Variants in DUSP10 observed in about 807,000 individuals in gnomAD.
The protein encoded by DUSP10 is dual specificity protein phosphatase 10.
DUSP10 carries 14 observed loss-of-function variants against 30.8 expected under a neutral mutation model. The observed-to-expected ratio is 0.46, with a 90% CI of 0.30 to 0.71. The LOEUF (loss-of-function observed/expected upper bound fraction) is 0.71, where lower values mean the gene tolerates loss of function less well. Among genes scored for constraint, DUSP10 ranks in the 30% least tolerant of loss-of-function variants. The pLI, the probability that DUSP10 is intolerant of heterozygous loss-of-function variation, is 0.08. For synonymous variants in DUSP10, 254 were observed against 250.4 expected (o/e 1.01, Z -0.14); for missense variants, 550 against 619.4 (o/e 0.89, Z 1.19).
At chr1:221,739,957 A>T (rs1312690667) in intron 1 of DUSP10, among the ~76,000 whole-genome samples, 170 bp from the exon 2 acceptor site, 2 of 152,218 alleles carry the variant, frequency 1.3e-5, no homozygotes, top group Non-Finnish European at 2.9e-5. Flanking sequence ...TTCAAAGAGG[A>T]TGCAAACCTG....
At chr1:221,722,490 G>A (rs1305138250) in intron 2 of DUSP10, among the ~76,000 whole-genome samples, 1 of 152,230 alleles carries the variant, frequency 6.6e-6, no homozygotes, top group African/African-American at 2.4e-5. Context: ...CAGGCCTGGT[G>A]TGGTGGCAGA....
intron 2 of DUSP10, among the ~76,000 whole-genome samples, chr1:221,717,519 CA>C (rs1209337098): frequency 4.6e-5 from 7 of 152,000 alleles, no homozygotes; most frequent in Non-Finnish European, 8.8e-5. Flanking sequence ...ACATACACTC[CA>C]AATCCTGGGC....
chr1:221,737,046 G>T, intron 2 of DUSP10: 1 of 985,474 alleles, frequency 1.0e-6, no homozygotes, highest in South Asian at 4.7e-5. Context: ...AGGAAAGGGA[G>T]AGAGGATCCT....
At chr1:221,728,464 T>A (rs1661488183) in intron 2 of DUSP10, among the ~76,000 whole-genome samples, 2 of 152,086 alleles carry the variant, frequency 1.3e-5, no homozygotes, top group African/African-American at 4.8e-5. Flanking sequence ...TTGCCACACC[T>A]CCAGATTACC....
chr1:221,709,545 G>A (rs974293246), intron 2 of DUSP10, among the ~76,000 whole-genome samples: 1 of 152,144 alleles, frequency 6.6e-6, no homozygotes, highest in Admixed American at 6.5e-5. Context: ...TGAGGGGTCT[G>A]AAGAAATAGT....
chr1:221,737,602 C>T, intron 2 of DUSP10: 1 of 434,540 alleles, frequency 2.3e-6, no homozygotes, highest in Non-Finnish European at 3.1e-6. Context: ...TTCATGTTCT[C>T]CTTCCCAGCA....
At chr1:221,715,163 A>T (rs1405647841) in intron 2 of DUSP10, among the ~76,000 whole-genome samples, 2 of 152,208 alleles carry the variant, frequency 1.3e-5, no homozygotes, top group Non-Finnish European at 2.9e-5. Context: ...CAATAGGAAG[A>T]ATTTTAAAAA....
intron 2 of DUSP10, chr1:221,736,842 C>G (rs1571833603): frequency 9.1e-6 from 9 of 985,304 alleles, no homozygotes; most frequent in Non-Finnish European, 9.6e-6. Flanking sequence ...AATAATCTAA[C>G]CTCTACCACC....
rs115082227 is a variant in DUSP10 at position 221,706,227 on chromosome 1, C to T, written c.1051G>A (p.Val351Ile). ...GGAAGATGAGTGGTGACGTTGATGA[C>T]GTAGCCGATGTTCAGCCGCTGCATG... The part of the protein sequence containing the change: ...DTMQRLNIGY[V>I]INVTTHLPLY... Residue 351 changes from valine to isoleucine, a missense_variant, in exon 3 of 4, where the codon GTC becomes ATC. By Grantham distance (29) the Val-to-Ile change is conservative. Transcript: ENST00000366899. The surrounding 1 kb of genome is among the most constrained non-coding windows in gnomAD (Gnocchi z 4.6). 7,358 of 1,614,118 alleles carry T rather than the reference C, an allele frequency of 4.6e-3. 45 individuals carry two copies. The highest frequency in any genetic ancestry group is 4.0e-3 in the Non-Finnish European group (4,716 of 1,180,024).
rs747227203 is a variant in DUSP10 at position 221,706,390 on chromosome 1, C to T, written c.888G>A (p.Val296=). ...NSLQLQECRE[V]GGGASAASSL... is the part of the protein sequence containing the mutation. Reference sequence around the variant, plus strand: ...TCGAGGCCGCGGATGCGCCGCCCCCCACCTCCCGGCACTCTTGGAGCTGGA... The same window carrying T: ...TCGAGGCCGCGGATGCGCCGCCCCCTACCTCCCGGCACTCTTGGAGCTGGA... Residue 296 remains valine (V), a synonymous_variant, in exon 3 of 4, where the codon GTG becomes GTA. Transcript: ENST00000366899. This position sits in a 1 kb window ranked among gnomAD's most constrained non-coding sequence, Gnocchi z 4.6. 5 of 1,574,822 alleles carry T rather than the reference C, an allele frequency of 3.2e-6. No individual in the cohort carries two copies. The highest frequency in any genetic ancestry group is 4.3e-6 in the Non-Finnish European group (5 of 1,158,398).
Position 221,738,914 on chromosome 1 carries a change from G to C in DUSP10, c.811+20C>G, listed in dbSNP as rs773857180. ...CCCGGCTAATCAGGACCGTGCTTGG[G>C]AAGGGAGCAGGGGCATTACCTTTCA... On this transcript the variant is annotated intron_variant, in intron 2 of 3. Coordinates refer to ENST00000366899, the MANE Select transcript of DUSP10 (RefSeq NM_007207.6). 6.3e-7 allele frequency: 1 copy of C among 1,578,634 alleles called. No homozygotes were observed. Among genetic ancestry groups the C allele is most frequent in the Non-Finnish European group, 8.6e-7 (1 of 1,162,238 alleles).
At chr1:221,716,675 C>T (rs891236140) in intron 2 of DUSP10, among the ~76,000 whole-genome samples, 3 of 152,202 alleles carry the variant, frequency 2.0e-5, no homozygotes, top group Admixed American at 6.5e-5. Flanking sequence ...AGGGTGCCTA[C>T]CAAGATCCAG....
At chr1:221,713,436 A>T (rs1661006409) in intron 2 of DUSP10, among the ~76,000 whole-genome samples, 1 of 152,252 alleles carries the variant, frequency 6.6e-6, no homozygotes, top group Non-Finnish European at 1.5e-5. Flanking sequence ...CATATCGAAT[A>T]GCCAAAAATA....
chr1:221,710,718 T>C (rs1321681247), intron 2 of DUSP10, among the ~76,000 whole-genome samples: 2 of 152,240 alleles, frequency 1.3e-5, no homozygotes, highest in Admixed American at 6.5e-5. Context: ...TAAACAAATA[T>C]ATCTGATTTC....
Position 221,725,273 on chromosome 1 carries a change from T to G in DUSP10, c.811+13661A>C, listed in dbSNP as rs1000314172. On this transcript the variant is annotated intron_variant, in intron 2 of 3. Coordinates refer to ENST00000366899, the MANE Select transcript of DUSP10 (RefSeq NM_007207.6). ...TTCAAGGTAATTATTTAGGCAACTT[T>G]GTAGCATCTCATTCTCAGGCCTAAA... Among the ~76,000 whole-genome samples, 5 of 152,242 alleles carry G rather than the reference T, an allele frequency of 3.3e-5. No individual in the cohort carries two copies. In the South Asian group the frequency reaches 1.0e-3, roughly 31 times the overall value.
In DUSP10 at chr1:221,708,615, C is replaced by A. The variant is rs577023622; in HGVS notation, c.812-2149G>T. Reference sequence around the variant, plus strand: ...ACATATGATAGTTTATTCTGCTAGGCAATTATGACAATAAAGTTTGAACCT... The same window carrying A: ...ACATATGATAGTTTATTCTGCTAGGAAATTATGACAATAAAGTTTGAACCT... On this transcript the variant is annotated intron_variant, in intron 2 of 3. Coordinates refer to ENST00000366899, the MANE Select transcript of DUSP10 (RefSeq NM_007207.6). Among the ~76,000 whole-genome samples, 28 of 152,166 alleles carry A rather than the reference C, an allele frequency of 1.8e-4. No homozygotes were observed. The South Asian group carries it at 5.8e-3, about 32-fold the overall frequency.
At chr1:221,735,169 C>T (rs184152993) in intron 2 of DUSP10, among the ~76,000 whole-genome samples, 95 of 152,352 alleles carry the variant, frequency 6.2e-4, no homozygotes, top group Non-Finnish European at 1.1e-3. Flanking sequence ...CTCTTCTTCT[C>T]ACATTCCCCC....
intron 2 of DUSP10, among the ~76,000 whole-genome samples, chr1:221,728,381 AAC>A (rs1395664245): frequency 7.2e-5 from 11 of 152,172 alleles, no homozygotes; most frequent in African/African-American, 2.7e-4. Context: ...TGCTGCCCCT[AAC>A]ACAGGATTCC....
At position 221,739,023 on chromosome 1, in the gene DUSP10, T is replaced by C. The variant is rs747708016; in HGVS notation, c.722A>G (p.Asn241Ser). The change falls in exon 2 of 4, where the codon AAT (asparagine) becomes AGT (serine). Residue 241 changes from asparagine to serine, a missense_variant. By Grantham distance (46) the Asn-to-Ser change is conservative (BLOSUM62 1). Transcript: ENST00000366899. Reference protein sequence around the residue: ...KEIIVYDENTNEPSRVMPSQP... With the variant: ...KEIIVYDENTSEPSRVMPSQP... ...GGAGGGCATCACTCGGCTTGGTTCA[T>C]TGGTATTCTCATCATAAACTATAAT... is the stretch of plus-strand genomic sequence containing the variant. 7 of 1,614,164 alleles carry C rather than the reference T, an allele frequency of 4.3e-6. No homozygotes were observed. The highest frequency in any genetic ancestry group is 1.1e-5 in the South Asian group (1 of 91,082).
Sources: gnomAD v4.1 joint callset for allele counts (sites outside exome capture counted in the v4.1 genomes callset) on GRCh38, gnomAD v4.1.1 for gene constraint, Gnocchi (gnomAD v3.1) non-coding constraint, MANE v1.5 for transcripts, NCBI Gene and HGNC (gene_info 2026-07-23, HGNC 2026-07-21) for gene names.